HS3ST4: variants seen among roughly 807,000 people sequenced by gnomAD.
HS3ST4 encodes heparan sulfate-glucosamine 3-sulfotransferase 4.
In HS3ST4, 17 loss-of-function variants were observed where a neutral mutation model predicts 29.2. That is an observed-to-expected ratio of 0.58 (90% CI 0.40 to 0.87). The LOEUF (loss-of-function observed/expected upper bound fraction) is 0.87, where lower values mean the gene tolerates loss of function less well. Among genes scored for constraint, HS3ST4 ranks in the 40% least tolerant of loss-of-function variants. HS3ST4 has a pLI of 0.00. For synonymous variants in HS3ST4, 314 were observed against 285.7 expected, an observed-to-expected ratio of 1.10 and a Z score of -1.00; for missense variants, 627 against 634.5, an observed-to-expected ratio of 0.99 and a Z score of 0.13.
At chr16:25,970,086 C>A (rs1968881019) in intron 1 of HS3ST4, among the ~76,000 whole-genome samples, 1 of 152,216 alleles carries the variant, frequency 6.6e-6, no homozygotes, top group Non-Finnish European at 1.5e-5. Flanking sequence ...GGACAAAACA[C>A]CCTAATTCTA....
intron 1 of HS3ST4, among the ~76,000 whole-genome samples, chr16:25,852,520 C>A (rs1238219775): frequency 6.6e-6 from 1 of 151,458 alleles, no homozygotes; most frequent in African/African-American, 2.4e-5. Context: ...TTTCTTTATT[C>A]TGAATTTCAT....
intron 1 of HS3ST4, among the ~76,000 whole-genome samples, chr16:26,054,368 C>A (rs1334059177): frequency 6.6e-6 from 1 of 151,936 alleles, no homozygotes; most frequent in South Asian, 2.1e-4. Flanking sequence ...CCTTGTTTTT[C>A]ACAAGAAAGC....
At chr16:25,710,405 C>T (rs1966407291) in intron 1 of HS3ST4, among the ~76,000 whole-genome samples, 1 of 152,100 alleles carries the variant, frequency 6.6e-6, no homozygotes. Flanking sequence ...TGATTAGGTC[C>T]CGGTCAATTT....
At chr16:25,732,618 A>G (rs1966578013) in intron 1 of HS3ST4, among the ~76,000 whole-genome samples, 1 of 152,242 alleles carries the variant, frequency 6.6e-6, no homozygotes, top group Non-Finnish European at 1.5e-5. Context: ...TATCAAAAAA[A>G]AGGAGTATCA....
At chr16:25,985,764 A>C (rs1347837119) in intron 1 of HS3ST4, among the ~76,000 whole-genome samples, 2 of 151,976 alleles carry the variant, frequency 1.3e-5, no homozygotes, top group Non-Finnish European at 2.9e-5. Flanking sequence ...ATGGTTCACT[A>C]CAGCCTCAAC....
At chr16:25,841,679 T>G (rs1267474961) in intron 1 of HS3ST4, among the ~76,000 whole-genome samples, 1 of 152,172 alleles carries the variant, frequency 6.6e-6, no homozygotes, top group Non-Finnish European at 1.5e-5. Context: ...CTCATGGAGC[T>G]CCTTGTGTCA....
At chr16:25,963,819 G>T (rs1399313333) in intron 1 of HS3ST4, among the ~76,000 whole-genome samples, 12 of 152,122 alleles carry the variant, frequency 7.9e-5, no homozygotes, top group Admixed American at 5.2e-4. Flanking sequence ...GTCCATTGTG[G>T]GCAGGATTTA....
chr16:25,821,979 T>A (rs1967161920), intron 1 of HS3ST4, among the ~76,000 whole-genome samples: 1 of 152,204 alleles, frequency 6.6e-6, no homozygotes, highest in Non-Finnish European at 1.5e-5. Context: ...GTTTAATGAA[T>A]CAGATGTCTC....
At chr16:25,748,754 T>C (rs527809203) in intron 1 of HS3ST4, among the ~76,000 whole-genome samples, 1 of 152,354 alleles carries the variant, frequency 6.6e-6, no homozygotes, top group Admixed American at 6.5e-5. Flanking sequence ...AAGCTTATCT[T>C]ACTGGCTATT....
chr16:25,957,417 T>G (rs1266965004), intron 1 of HS3ST4, among the ~76,000 whole-genome samples: 1 of 38,546 alleles, frequency 2.6e-5, no homozygotes. Context: ...CCTTCATAGC[T>G]CTCTCTCTCT....
chr16:25,804,612 T>C (rs996746048), intron 1 of HS3ST4, among the ~76,000 whole-genome samples: 1 of 152,180 alleles, frequency 6.6e-6, no homozygotes, highest in Non-Finnish European at 1.5e-5. Flanking sequence ...TTGTATGTTA[T>C]GTTTAAATCC....
intron 1 of HS3ST4, among the ~76,000 whole-genome samples, chr16:25,792,427 G>T (rs1374321883): frequency 6.6e-6 from 1 of 151,830 alleles, no homozygotes; most frequent in African/African-American, 2.4e-5. Context: ...AGCTGTCAGG[G>T]CCTGGAAATG....
chr16:25,955,906 C>T (rs555967949), intron 1 of HS3ST4, among the ~76,000 whole-genome samples: 1 of 151,832 alleles, frequency 6.6e-6, no homozygotes, highest in Admixed American at 6.6e-5. Context: ...CCTCCACCTC[C>T]TGGGTTCAAG....
chr16:26,014,929 ACTT>A (rs1368420903), intron 1 of HS3ST4, among the ~76,000 whole-genome samples: 5 of 152,204 alleles, frequency 3.3e-5, no homozygotes, highest in Admixed American at 6.5e-5. Flanking sequence ...ATATTTAGAG[ACTT>A]CTTCTGGCTA....
At chr16:26,107,604 C>G (rs1432864438) in intron 1 of HS3ST4, among the ~76,000 whole-genome samples, 2 of 152,096 alleles carry the variant, frequency 1.3e-5, no homozygotes, top group Non-Finnish European at 2.9e-5. Flanking sequence ...CTTTGCATAC[C>G]CATAGCGTAG....
At chr16:25,765,876 A>G (rs1280009773) in intron 1 of HS3ST4, among the ~76,000 whole-genome samples, 1 of 151,984 alleles carries the variant, frequency 6.6e-6, no homozygotes, top group East Asian at 1.9e-4. Flanking sequence ...GGGGGTTTGG[A>G]TGTGGTTGGA....
intron 1 of HS3ST4, among the ~76,000 whole-genome samples, chr16:25,846,611 C>T (rs1262021403): frequency 6.6e-6 from 1 of 151,872 alleles, no homozygotes; most frequent in Non-Finnish European, 1.5e-5. Context: ...TTTCAGCCCA[C>T]AGATATTTAC....
chr16:25,856,497 T>C (rs989648201), intron 1 of HS3ST4, among the ~76,000 whole-genome samples: 3 of 152,150 alleles, frequency 2.0e-5, no homozygotes, highest in African/African-American at 7.2e-5. Context: ...GGTGACATAT[T>C]AATGTGCCAG....
intron 1 of HS3ST4, among the ~76,000 whole-genome samples, chr16:25,858,041 TTCTTTC>T (rs1967600590): frequency 6.6e-6 from 1 of 151,010 alleles, no homozygotes; most frequent in Admixed American, 6.6e-5. Flanking sequence ...TTTCTCTTTC[TTCTTTC>T]TCTTTCTTTC....
Sources: gnomAD v4.1 joint callset for allele counts (sites outside exome capture counted in the v4.1 genomes callset) on GRCh38, gnomAD v4.1.1 for gene constraint, MANE v1.5 for transcripts, NCBI Gene and HGNC (gene_info 2026-07-23, HGNC 2026-07-21) for gene names.